PPIL6: variants seen among roughly 807,000 people sequenced by gnomAD.
PPIL6 encodes probable inactive peptidyl-prolyl cis-trans isomerase-like 6.
A neutral mutation model predicts 36.8 loss-of-function variants in PPIL6; 39 were observed. The ratio of observed to expected loss-of-function variants is 1.06; its 90% CI spans 0.82 to 1.38. The LOEUF (loss-of-function observed/expected upper bound fraction) is 1.38. Among genes scored for constraint, PPIL6 ranks in the 40% most tolerant of loss-of-function variants. The probability of loss-of-function intolerance (pLI) is 0.00; values close to 1 mark genes in which losing one functional copy is unlikely to be tolerated. For synonymous variants in PPIL6, 123 were observed against 134.1 expected (o/e 0.92, Z 0.57); for missense variants, 368 against 379.1 (o/e 0.97, Z 0.24).
intron 3 of PPIL6, among the ~76,000 whole-genome samples, chr6:109,430,321 A>T (rs1774063849): frequency 6.6e-6 from 1 of 152,210 alleles, no homozygotes; most frequent in Admixed American, 6.5e-5. Context: ...TCACATCCTG[A>T]TAACTATCTC....
intron 5 of PPIL6, among the ~76,000 whole-genome samples, chr6:109,421,278 A>G (rs952643280): frequency 2.0e-5 from 3 of 152,224 alleles, no homozygotes; most frequent in Non-Finnish European, 4.4e-5. Flanking sequence ...TCAGCCTTGT[A>G]TATCTGATAT....
intron 3 of PPIL6, among the ~76,000 whole-genome samples, chr6:109,427,715 CAGAGTGAAA>C (rs1773900409): frequency 6.6e-6 from 1 of 152,118 alleles, no homozygotes; most frequent in African/African-American, 2.4e-5. Flanking sequence ...AAAACCTTTC[CAGAGTGAAA>C]GCTCTGGAGA....
intron 6 of PPIL6, among the ~76,000 whole-genome samples, chr6:109,408,211 C>G (rs1772878271): frequency 6.6e-6 from 1 of 152,142 alleles, no homozygotes; most frequent in Admixed American, 6.5e-5. Context: ...TGCTTGAGTT[C>G]ATAAATATAT....
Position 109,409,576 on chromosome 6 carries a change from AAAG to A in PPIL6, c.689-9409_689-9407del, listed in dbSNP as rs1321154733. 3.5e-3 allele frequency among the ~76,000 whole-genome samples: 466 copies of A among 133,094 alleles called. 2 individuals carry two copies. Among genetic ancestry groups the A allele is most frequent in the African/African-American group, 0.011 (432 of 38,282 alleles). 87.3% of individuals were successfully genotyped at this position (133,094 alleles called of 152,430 possible). On this transcript the variant is annotated intron_variant, in intron 6 of 7. Transcript: ENST00000521072. ...CGTGAGACTCCATCTCAAAAAAAAA[AAAG>A]AAAGAGGTCAAATTATCCTTGTTTA...
At chr6:109,427,853 C>G (rs553734549) in intron 3 of PPIL6, among the ~76,000 whole-genome samples, 6 of 152,320 alleles carry the variant, frequency 3.9e-5, no homozygotes, top group African/African-American at 1.4e-4. Context: ...TTCTTCTCTA[C>G]TTCGCTTCTT....
Position 109,426,873 on chromosome 6 carries a change from A to G in PPIL6, c.605T>C (p.Val202Ala). The stretch of plus-strand genomic sequence containing the variant: ...CCCTCCTTGTATCCAGCCATTCTGT[A>G]CTATTCGATGAAAAATGGAATTTTT... Reference protein sequence around the residue: ...HYKNSIFHRIVQNGWIQGGDI... With the variant: ...HYKNSIFHRIAQNGWIQGGDI... The change falls in exon 5 of 8, where the codon GTA becomes GCA. Residue 202 changes from valine (V) to alanine (A), a missense_variant. Physicochemically the swap from Val to Ala is moderately conservative, Grantham distance 64 (BLOSUM62 0). Coordinates refer to ENST00000521072, the MANE Select transcript of PPIL6 (RefSeq NM_173672.5). 1 of 1,599,354 alleles carries G rather than the reference A, an allele frequency of 6.3e-7. No individual in the cohort carries two copies. Among genetic ancestry groups the G allele is most frequent in the South Asian group, 1.1e-5 (1 of 89,798 alleles).
In PPIL6 at chr6:109,392,222, T is replaced by A. The variant is rs970861897; in HGVS notation, c.*604A>T. ...GTCTCTCTCTGTCGCCAGGCTGGAGTGCAGTGGCGGCATCTCGGCTCACTG... is the reference window on the plus strand; with the variant it reads ...GTCTCTCTCTGTCGCCAGGCTGGAGAGCAGTGGCGGCATCTCGGCTCACTG... On this transcript the variant is annotated 3_prime_UTR_variant, in exon 8 of 8. Coordinates refer to ENST00000521072, the MANE Select transcript of PPIL6 (RefSeq NM_173672.5). 3.9e-5 allele frequency: 6 copies of A among 152,274 alleles called. No homozygotes were observed. Among genetic ancestry groups the A allele is most frequent in the African/African-American group, 1.4e-4 (6 of 41,380 alleles). 9.4% of individuals were successfully genotyped at this position (152,274 alleles called of 1,614,324 possible). A position where few individuals can be genotyped will look rare whatever the true frequency, so the allele number is the denominator to read the frequency against.
chr6:109,440,999 CCTGTG>C (rs1774841357), upstream of PPIL6: 1 of 971,820 alleles, frequency 1.0e-6, no homozygotes, highest in Non-Finnish European at 1.6e-6. Context: ...TTGGTGCCCA[CCTGTG>C]CGCGCCGCCT....
At chr6:109,394,471 T>A (rs542635539) in intron 7 of PPIL6, among the ~76,000 whole-genome samples, 1 of 151,042 alleles carries the variant, frequency 6.6e-6, no homozygotes, top group African/African-American at 2.4e-5. Flanking sequence ...AGACTTCTGA[T>A]GGTTCTTTCA....
chr6:109,436,180 G>A lies in PPIL6; in HGVS notation c.155C>T (p.Pro52Leu), dbSNP rs772137521. Residue 52 changes from proline to leucine, a missense_variant, in exon 2 of 8, where the codon CCA becomes CTA. Transcript: ENST00000521072. ...SAAENLKNNHPSKFEDPILVP... is the reference protein window; with the variant it reads ...SAAENLKNNHLSKFEDPILVP... Reference sequence around the variant, plus strand: ...TAATATAGGATCTTCAAATTTGGATGGATGATTATTCTTCAGATTCTGGAT... The same window carrying A: ...TAATATAGGATCTTCAAATTTGGATAGATGATTATTCTTCAGATTCTGGAT... 18 of 1,555,596 alleles carry A rather than the reference G, an allele frequency of 1.2e-5. No individual in the cohort carries two copies. Among genetic ancestry groups the A allele is most frequent in the Non-Finnish European group, 1.6e-5 (18 of 1,127,884 alleles).
intron 3 of PPIL6, 44 bp downstream of exon 3, chr6:109,431,113 G>A (rs755738467): frequency 5.1e-6 from 7 of 1,377,220 alleles, no homozygotes; most frequent in Non-Finnish European, 2.0e-6. Flanking sequence ...AATATAAAGG[G>A]TCAAAGATTC....
intron 6 of PPIL6, 56 bp downstream of exon 6, chr6:109,419,131 C>A: frequency 3.0e-6 from 3 of 1,016,704 alleles, no homozygotes; most frequent in Non-Finnish European, 4.7e-6. Flanking sequence ...CTGTCCAGTC[C>A]TGTTAAGTTT....
chr6:109,394,183 G>A (rs931831794), intron 7 of PPIL6, among the ~76,000 whole-genome samples: 4 of 152,042 alleles, frequency 2.6e-5, no homozygotes, highest in Non-Finnish European at 5.9e-5. Context: ...CTAGCCTGGG[G>A]ACAACCTGGT....
At chr6:109,405,817 C>A (rs1246318335) in intron 6 of PPIL6, among the ~76,000 whole-genome samples, 2 of 152,162 alleles carry the variant, frequency 1.3e-5, no homozygotes, top group Admixed American at 6.5e-5. Flanking sequence ...CAAAATTGCT[C>A]AAAAGCTGCA....
intron 1 of PPIL6, among the ~76,000 whole-genome samples, chr6:109,437,548 CTTTTT>C (rs71551374): frequency 1.0e-5 from 1 of 97,956 alleles, no homozygotes. Flanking sequence ...TATTTCTTTT[CTTTTT>C]TTTTTTTTTT....
At position 109,440,493 on chromosome 6, in the gene PPIL6, C is replaced by G; in HGVS notation, c.98G>C (p.Ser33Thr). 6.5e-7 allele frequency: 1 copy of G among 1,539,070 alleles called. No homozygotes were observed. ...PLQVKVVGLF[S>T]CPNFQIAKSA... ...CTTCGCAATCTGAAAGTTGGGGCAGCTGAAGAGCCCCACCACCTTCACCTG... is the reference window on the plus strand; with the variant it reads ...CTTCGCAATCTGAAAGTTGGGGCAGGTGAAGAGCCCCACCACCTTCACCTG... The change falls in exon 1 of 8, where the codon AGC becomes ACC. Residue 33 changes from serine (S) to threonine (T), a missense_variant. By Grantham distance (58) the Ser-to-Thr change is moderately conservative. Coordinates refer to ENST00000521072, the MANE Select transcript of PPIL6 (RefSeq NM_173672.5).
In PPIL6 at chr6:109,390,249, T is replaced by C. The variant is rs571704227; in HGVS notation, c.*2577A>G. 4.6e-5 allele frequency: 7 copies of C among 152,362 alleles called. No homozygotes were observed. The highest frequency in any genetic ancestry group is 1.7e-4 in the African/African-American group (7 of 41,594). The allele number at this position is 152,362 out of a possible 1,614,324, so 9.4% of individuals were successfully genotyped here. A position where few individuals can be genotyped will look rare whatever the true frequency, so the allele number is the denominator to read the frequency against. On this transcript the variant is annotated 3_prime_UTR_variant, in exon 8 of 8. Transcript: ENST00000521072. ...CACATTAGTAATTTATTATTAAATT[T>C]ATCGAGTGCTTACAGCAGACCAGGT... is the stretch of plus-strand genomic sequence containing the variant.
At chr6:109,415,212 ATT>A (rs1239738323) in intron 6 of PPIL6, among the ~76,000 whole-genome samples, 1 of 152,144 alleles carries the variant, frequency 6.6e-6, no homozygotes. Context: ...TTGCTTTTTC[ATT>A]TCTCTAGCAA....
intron 6 of PPIL6, among the ~76,000 whole-genome samples, chr6:109,416,888 C>T (rs971645280): frequency 5.3e-5 from 8 of 152,070 alleles, no homozygotes; most frequent in Non-Finnish European, 1.2e-4. Flanking sequence ...ATTTTGCAGG[C>T]TAGGCTTGGT....
Sources: gnomAD v4.1 joint callset for allele counts (sites outside exome capture counted in the v4.1 genomes callset) on GRCh38, gnomAD v4.1.1 for gene constraint, MANE v1.5 for transcripts, NCBI Gene and HGNC (gene_info 2026-07-23, HGNC 2026-07-21) for gene names.